ALMS1: variants seen among roughly 807,000 people sequenced by gnomAD.
ALMS1 encodes the protein centrosome-associated protein ALMS1.
A neutral mutation model predicts 352.2 loss-of-function variants in ALMS1; 271 were observed. The ratio of observed to expected loss-of-function variants is 0.77; its 90% CI spans 0.70 to 0.85. The LOEUF (loss-of-function observed/expected upper bound fraction) is 0.85. Ranked by LOEUF, ALMS1 falls within the 40% of genes least tolerant of loss-of-function variation. ALMS1 has a pLI of 0.00. For synonymous variants in ALMS1, 1,865 were observed against 1,761.2 expected (o/e 1.06, Z -1.48); for missense variants, 5,445 against 4,870.7 (o/e 1.12, Z -3.51).
intron 13 of ALMS1, among the ~76,000 whole-genome samples, chr2:73,551,144 C>T (rs757482274): frequency 6.6e-6 from 1 of 152,178 alleles, no homozygotes; most frequent in Non-Finnish European, 1.5e-5. Flanking sequence ...CAGGCATGAA[C>T]CACCGCATCC....
At chr2:73,394,986 A>ATG (rs1334926235) in intron 1 of ALMS1, among the ~76,000 whole-genome samples, 3 of 137,622 alleles carry the variant, frequency 2.2e-5, no homozygotes, top group African/African-American at 5.7e-5. Flanking sequence ...TTACATATAT[A>ATG]TGTGTATATA....
chr2:73,565,995 G>A (rs116786250), intron 15 of ALMS1, among the ~76,000 whole-genome samples: 163 of 152,284 alleles, frequency 1.1e-3, no homozygotes, highest in African/African-American at 3.7e-3. Context: ...GCAACACAAA[G>A]TATGGCCTTT....
chr2:73,597,015 G>A (rs1207183487), intron 16 of ALMS1, among the ~76,000 whole-genome samples: 2 of 151,480 alleles, frequency 1.3e-5, no homozygotes, highest in Admixed American at 6.6e-5. Flanking sequence ...GATTAATTTG[G>A]GGATTATTGC....
At position 73,489,750 on chromosome 2, in the gene ALMS1, A is replaced by G. The variant is rs45624944; in HGVS notation, c.7791A>G (p.Leu2597=). ...FRTLTSEHPQ[L]DRHPCAFRSA... The stretch of plus-strand genomic sequence containing the variant: ...CTCTAACTTCTGAACATCCACAACT[A>G]GATAGACACCCTTGTGCTTTCAGAT... Residue 2597 remains leucine (L), a synonymous_variant, in exon 10 of 23, where the codon CTA becomes CTG. Transcript: ENST00000613296. 10 of 1,614,072 alleles carry G rather than the reference A, an allele frequency of 6.2e-6. No individual in the cohort carries two copies. The South Asian group carries it at 9.9e-5, about 16-fold the overall frequency.
intron 1 of ALMS1, among the ~76,000 whole-genome samples, chr2:73,393,372 G>A (rs576579258): frequency 2.5e-4 from 38 of 151,462 alleles, no homozygotes; most frequent in African/African-American, 8.7e-4. Context: ...TTATTCTTTC[G>A]TATGTGACTA....
At chr2:73,444,290 C>T (rs917485670) in intron 7 of ALMS1, among the ~76,000 whole-genome samples, 2 of 152,104 alleles carry the variant, frequency 1.3e-5, no homozygotes, top group African/African-American at 2.4e-5. Flanking sequence ...AGGGGTGCAC[C>T]TATCAGGGTG....
intron 10 of ALMS1, among the ~76,000 whole-genome samples, chr2:73,514,523 GT>G (rs935905879): frequency 5.9e-5 from 9 of 151,826 alleles, no homozygotes; most frequent in African/African-American, 2.2e-4. Context: ...CATTATTATT[GT>G]TGCTTTGAAC....
chr2:73,495,257 C>T (rs1057018529), intron 10 of ALMS1, among the ~76,000 whole-genome samples: 17 of 151,894 alleles, frequency 1.1e-4, no homozygotes, highest in Admixed American at 1.1e-3. Flanking sequence ...CTTTTTGAGC[C>T]GGAGTCTTGC....
At chr2:73,497,488 G>C (rs1441033435) in intron 10 of ALMS1, among the ~76,000 whole-genome samples, 1 of 151,966 alleles carries the variant, frequency 6.6e-6, no homozygotes, top group African/African-American at 2.4e-5. Flanking sequence ...TTCAGTTCCA[G>C]ACCACTGCAA....
In ALMS1 at chr2:73,448,309, A is replaced by G. The variant is rs2103772183; in HGVS notation, c.1782A>G (p.Leu594=). 2.5e-6 allele frequency: 4 copies of G among 1,614,060 alleles called. No homozygotes were observed. In the South Asian group the frequency reaches 4.4e-5, roughly 18 times the overall value. ...AGCAGGGCTTGCCAGACAGTCATCTAACTGAAGAGGCTTTGAAAGTTTCAG... is the reference window on the plus strand; with the variant it reads ...AGCAGGGCTTGCCAGACAGTCATCTGACTGAAGAGGCTTTGAAAGTTTCAG... ...FYQQGLPDSH[L]TEEALKVSAA... Residue 594 remains leucine, a synonymous_variant, in exon 8 of 23, where the codon CTA becomes CTG. Transcript: ENST00000613296.
At chr2:73,511,177 C>T (rs1411889212) in intron 10 of ALMS1, among the ~76,000 whole-genome samples, 2 of 152,040 alleles carry the variant, frequency 1.3e-5, no homozygotes, top group Non-Finnish European at 2.9e-5. Context: ...GCTTCAGCCC[C>T]CTTTCCAGAG....
chr2:73,491,936 T>C (rs1199345037), intron 10 of ALMS1, among the ~76,000 whole-genome samples: 1 of 152,144 alleles, frequency 6.6e-6, no homozygotes, highest in African/African-American at 2.4e-5. Flanking sequence ...TTCCCTCAAA[T>C]ATTTAGTATT....
At chr2:73,413,097 G>C (rs978147781) in intron 2 of ALMS1, among the ~76,000 whole-genome samples, 3 of 148,476 alleles carry the variant, frequency 2.0e-5, no homozygotes, top group African/African-American at 7.5e-5. Flanking sequence ...GCATCTTTTT[G>C]TGTGCTTATT....
chr2:73,489,854 C>A lies in ALMS1; in HGVS notation c.7895C>A (p.Ser2632Tyr), dbSNP rs1311004798. 1 of 1,614,066 alleles carries A rather than the reference C, an allele frequency of 6.2e-7. No homozygotes were observed. The highest frequency in any genetic ancestry group is 8.5e-7 in the Non-Finnish European group (1 of 1,180,048). ...GCCAAGCATGTCAACCTTTCTGCAT[C>A]CTTAGACCAGAACAACTCCCATTTC... ...CRAKHVNLSA[S>Y]LDQNNSHFKV... The change falls in exon 10 of 23, where the codon TCC becomes TAC. Residue 2632 changes from serine (S) to tyrosine (Y), a missense_variant. Physicochemically the swap from Ser to Tyr is moderately radical, Grantham distance 144 (BLOSUM62 -2). Coordinates refer to ENST00000613296, the MANE Select transcript of ALMS1 (RefSeq NM_001378454.1).
chr2:73,596,789 A>G (rs1057187163), intron 16 of ALMS1, among the ~76,000 whole-genome samples: 1 of 149,860 alleles, frequency 6.7e-6, no homozygotes, highest in Admixed American at 6.6e-5. Context: ...CTGTCCTTAT[A>G]TCAATGCCAC....
At position 73,449,780 on chromosome 2, in the gene ALMS1, C is replaced by T. The variant is rs769842211; in HGVS notation, c.3253C>T (p.Gln1085Ter). 1 of 1,614,088 alleles carries T rather than the reference C, an allele frequency of 6.2e-7. No homozygotes were observed. Among genetic ancestry groups the T allele is most frequent in the East Asian group, 2.2e-5 (1 of 44,886 alleles). ...KVSAFPGPAD[Q>*]MTDTPAVPST... ...TTCAGCCTTCCCTGGACCAGCTGAC[C>T]AGATGACTGACACACCAGCAGTACC... The change falls in exon 8 of 23, where the codon CAG becomes TAG. Residue 1085 changes from glutamine (Q) to a stop codon, truncating the protein, a stop_gained. Transcript: ENST00000613296. LOFTEE classifies it high-confidence loss of function.
At chr2:73,566,304 G>C (rs1674799567) in intron 15 of ALMS1, among the ~76,000 whole-genome samples, 1 of 151,948 alleles carries the variant, frequency 6.6e-6, no homozygotes, top group Admixed American at 6.6e-5. Context: ...TTGCACTTTG[G>C]GGCCATTACT....
chr2:73,486,966 G>A (rs1238807410), intron 9 of ALMS1, among the ~76,000 whole-genome samples: 1 of 152,156 alleles, frequency 6.6e-6, no homozygotes, highest in Non-Finnish European at 1.5e-5. Flanking sequence ...GAGGTGGCAG[G>A]ATCGCCTGAG....
intron 9 of ALMS1, among the ~76,000 whole-genome samples, chr2:73,487,816 T>C (rs1407193991): frequency 6.6e-6 from 1 of 151,934 alleles, no homozygotes; most frequent in Admixed American, 6.6e-5. Flanking sequence ...TGACTGTCCA[T>C]CTGTCAGTGG....
Sources: allele counts gnomAD v4.1 joint callset (sites outside exome capture counted in the v4.1 genomes callset), GRCh38; gene constraint gnomAD v4.1.1; transcripts MANE v1.5; gene names NCBI Gene and HGNC (gene_info 2026-07-23, HGNC 2026-07-21).